The following LLGL1 variants were observed in gnomAD, a reference collection of about 807,000 sequenced individuals.
The protein encoded by LLGL1 is lethal(2) giant larvae protein homolog 1.
In LLGL1, 58 loss-of-function variants were observed where a neutral mutation model predicts 110.6. The observed-to-expected ratio is 0.52, with a 90% CI of 0.42 to 0.65. The LOEUF (loss-of-function observed/expected upper bound fraction) is 0.65, where lower values mean the gene tolerates loss of function less well. LLGL1 is among the 30% of genes least tolerant of loss of function. LLGL1 has a pLI of 0.00. For synonymous variants in LLGL1, 674 were observed against 607.2 expected (o/e 1.11, Z -1.62); for missense variants, 1,229 against 1,462.1 (o/e 0.84, Z 2.60).
intron 2 of LLGL1, among the ~76,000 whole-genome samples, chr17:18,230,506 G>A (rs979639362): frequency 9.2e-5 from 14 of 151,366 alleles, no homozygotes; most frequent in African/African-American, 2.2e-4. Flanking sequence ...AGCACAGCAC[G>A]GCCCCCACCT....
At position 18,235,150 on chromosome 17, in the gene LLGL1, G is replaced by T. The variant is rs1567689955; in HGVS notation, c.1122G>T (p.Leu374=). Residue 374 remains leucine (L), a synonymous_variant, in exon 10 of 23, where the codon CTG becomes CTT. Coordinates refer to ENST00000316843, the MANE Select transcript of LLGL1 (RefSeq NM_004140.4). ...AAGAGGAGCTGGTGGTGCTGGACCT[G>T]CAGACTCCTGGCTGGCCAGCTGTGC... ...LLEEELVVLD[L]QTPGWPAVPA... 3 of 1,613,506 alleles carry T rather than the reference G, an allele frequency of 1.9e-6. No homozygotes were observed. The highest frequency in any genetic ancestry group is 2.5e-6 in the Non-Finnish European group (3 of 1,180,034).
intron 8 of LLGL1, 25 bp downstream of exon 8, chr17:18,234,728 A>T (rs2047650634): frequency 1.9e-6 from 3 of 1,613,860 alleles, no homozygotes; most frequent in Non-Finnish European, 2.5e-6. Flanking sequence ...TGGGTGTCCG[A>T]TGTGAGTTGG....
intron 1 of LLGL1, among the ~76,000 whole-genome samples, 175 bp downstream of exon 1, chr17:18,225,938 G>T (rs1159736411): frequency 6.6e-6 from 1 of 150,936 alleles, no homozygotes; most frequent in East Asian, 1.9e-4. Context: ...GCTCTGGCTC[G>T]GACTCTGGGT....
At position 18,240,490 on chromosome 17, in the gene LLGL1, G is replaced by A. The variant is rs977637229; in HGVS notation, c.2207-88G>A. The A allele has an allele frequency of 2.1e-6, 3 of 1,417,378 alleles. No homozygotes were observed. Among genetic ancestry groups the A allele is most frequent in the Admixed American group, 2.2e-5 (1 of 45,766 alleles). 87.8% of individuals were successfully genotyped at this position (1,417,378 alleles called of 1,614,324 possible). ...GTTAGGAAGCAGGGCTACAAGAGAG[G>A]CAGGGAGGGACCTGCAGTCTGTGGG... On this transcript the variant is annotated intron_variant, in intron 16 of 22. Coordinates refer to ENST00000316843, the MANE Select transcript of LLGL1 (RefSeq NM_004140.4). This position sits in a 1 kb window ranked among gnomAD's most constrained non-coding sequence, Gnocchi z 5.3.
intron 19 of LLGL1, 25 bp from the exon 20 acceptor site, chr17:18,242,141 C>T: frequency 6.3e-7 from 1 of 1,586,254 alleles, no homozygotes; most frequent in Non-Finnish European, 8.7e-7. Context: ...CACCTATGGT[C>T]CCCATCATGG....
In LLGL1 at chr17:18,240,965, G is replaced by T; in HGVS notation, c.2502+92G>T. On this transcript the variant is annotated intron_variant, in intron 17 of 22. Transcript: ENST00000316843. This position sits in a 1 kb window ranked among gnomAD's most constrained non-coding sequence, Gnocchi z 5.3. The stretch of plus-strand genomic sequence containing the variant: ...ATTGGACCCTCAAGAAACCCTTCCT[G>T]CCTGTATCCCCCACTGTTGGGACCC... 7.7e-7 allele frequency: 1 copy of T among 1,301,078 alleles called. No homozygotes were observed. The highest frequency in any genetic ancestry group is 1.0e-6 in the Non-Finnish European group (1 of 966,406). The allele number at this position is 1,301,078 out of a possible 1,614,324, so 80.6% of individuals were successfully genotyped here. A position where few individuals can be genotyped will look rare whatever the true frequency, so the allele number is the denominator to read the frequency against.
At chr17:18,234,552 G>A in intron 7 of LLGL1, 97 bp from the exon 8 acceptor site, 2 of 1,578,758 alleles carry the variant, frequency 1.3e-6, no homozygotes, top group East Asian at 2.3e-5. Flanking sequence ...GAGGCAGGAG[G>A]CAGCTGTAAG....
rs1240585109 is a variant in LLGL1, at chr17:18,237,713, T to A, written c.1844T>A (p.Phe615Tyr). 6.2e-7 allele frequency: 1 copy of A among 1,613,026 alleles called. No individual in the cohort carries two copies. Among genetic ancestry groups the A allele is most frequent in the Non-Finnish European group, 8.5e-7 (1 of 1,179,966 alleles). The change falls in exon 14 of 23, where the codon TTT becomes TAT. Residue 615 changes from phenylalanine to tyrosine, a missense_variant. Phe to Tyr is a conservative substitution (Grantham distance 22). Transcript: ENST00000316843. Reference sequence around the variant, plus strand: ...CACACCGAGTGGAGCCTCGTGGCTTTTGGCACCAGTCATGGCTTTGGCCTC... The same window carrying A: ...CACACCGAGTGGAGCCTCGTGGCTTATGGCACCAGTCATGGCTTTGGCCTC... ...TLHTEWSLVA[F>Y]GTSHGFGLFD... is the part of the protein sequence containing the mutation.
chr17:18,241,368 G>C (rs2047827287), intron 17 of LLGL1, 83 bp from the exon 18 acceptor site: 2 of 1,510,476 alleles, frequency 1.3e-6, no homozygotes, highest in Admixed American at 1.9e-5. Context: ...GGTGGGGGCT[G>C]TTGGGTCAGC....
chr17:18,239,957 T>TGCTGG (rs969830948), intron 16 of LLGL1, among the ~76,000 whole-genome samples: 64 of 152,162 alleles, frequency 4.2e-4, no homozygotes, highest in African/African-American at 1.5e-3. Flanking sequence ...CTCTTGCTTC[T>TGCTGG]GCTGGGCTGG....
At chr17:18,234,558 G>C in intron 7 of LLGL1, 91 bp from the exon 8 acceptor site, 2 of 1,585,672 alleles carry the variant, frequency 1.3e-6, no homozygotes, top group East Asian at 2.3e-5. Flanking sequence ...GGAGGCAGCT[G>C]TAAGGTAGAG....
At chr17:18,228,966 G>A (rs970725209) in intron 1 of LLGL1, among the ~76,000 whole-genome samples, 1 of 152,174 alleles carries the variant, frequency 6.6e-6, no homozygotes, top group Non-Finnish European at 1.5e-5. Context: ...GGAGGTTCGC[G>A]TTACAGGCTG....
At chr17:18,227,474 C>G (rs1000789030) in intron 1 of LLGL1, among the ~76,000 whole-genome samples, 10 of 152,004 alleles carry the variant, frequency 6.6e-5, no homozygotes, top group Non-Finnish European at 1.0e-4. Flanking sequence ...TGCAGCCTCA[C>G]AACTCCCTGG....
At chr17:18,231,753 C>T (rs1359548226) in intron 2 of LLGL1, among the ~76,000 whole-genome samples, 1 of 152,162 alleles carries the variant, frequency 6.6e-6, no homozygotes, top group Admixed American at 6.5e-5. Context: ...CTTTGCCTCC[C>T]GGGTTCAAGC....
At position 18,234,354 on chromosome 17, in the gene LLGL1, G is replaced by A. The variant is rs2047641171; in HGVS notation, c.796G>A (p.Val266Met). Residue 266 changes from valine to methionine, a missense_variant, in exon 7 of 23, where the codon GTG (valine) becomes ATG (methionine). Physicochemically the swap from Val to Met is conservative, Grantham distance 21. Transcript: ENST00000316843. The stretch of plus-strand genomic sequence containing the variant: ...CGATGGCAGCTATGCTGTCTGGTCT[G>A]TGGATGCCGGCAGCTTCCCAACGCT... ...HSDGSYAVWSVDAGSFPTLQP... is the reference protein window; with the variant it reads ...HSDGSYAVWSMDAGSFPTLQP... 2 of 1,612,012 alleles carry A rather than the reference G, an allele frequency of 1.2e-6. No homozygotes were observed. Among genetic ancestry groups the A allele is most frequent in the African/African-American group, 2.7e-5 (2 of 74,946 alleles).
intron 11 of LLGL1, chr17:18,235,876 C>T (rs1277340061): frequency 1.6e-5 from 5 of 307,832 alleles, no homozygotes; most frequent in Non-Finnish European, 3.0e-5. Context: ...CGGGCGCTGA[C>T]GTGCCCAGTG....
chr17:18,234,924 T>C lies in LLGL1; in HGVS notation c.991T>C (p.Leu331=). ...HCVSVLRAET[L]VTLDFTSRII... ...TGTAAGTGTGCTTCGAGCCGAGACA[T>C]TGGTGACGCTGGACTTCACTTCCCG... Residue 331 remains leucine (L), a synonymous_variant, in exon 9 of 23, where the codon TTG becomes CTG. Coordinates refer to ENST00000316843, the MANE Select transcript of LLGL1 (RefSeq NM_004140.4). 1 of 1,614,092 alleles carries C rather than the reference T, an allele frequency of 6.2e-7. No individual in the cohort carries two copies.
intron 2 of LLGL1, among the ~76,000 whole-genome samples, chr17:18,230,575 C>T (rs1180284755): frequency 1.5e-5 from 2 of 133,908 alleles, no homozygotes; most frequent in Non-Finnish European, 3.1e-5. Flanking sequence ...ATTTTCCCTG[C>T]AGGCCTGGGG....
chr17:18,225,905 C>G (rs1158164090), intron 1 of LLGL1, 142 bp downstream of exon 1: 8 of 200,460 alleles, frequency 4.0e-5, no homozygotes, highest in Non-Finnish European at 7.1e-5. Flanking sequence ...CGGGCCGGGC[C>G]GCGCACCCCC....
Sources: gnomAD v4.1 joint callset for allele counts (sites outside exome capture counted in the v4.1 genomes callset) on GRCh38, gnomAD v4.1.1 for gene constraint, Gnocchi (gnomAD v3.1) non-coding constraint, MANE v1.5 for transcripts, NCBI Gene and HGNC (gene_info 2026-07-23, HGNC 2026-07-21) for gene names.